SCUBE2: variants seen among roughly 807,000 people sequenced by gnomAD.
The protein encoded by SCUBE2 is signal peptide, CUB and EGF-like domain-containing protein 2.
In SCUBE2, 114 loss-of-function variants were observed where a neutral mutation model predicts 125.9. That is an observed-to-expected ratio of 0.91 (90% confidence interval 0.78 to 1.06). The LOEUF is 1.06. SCUBE2 is among the 50% of genes least tolerant of loss of function. The pLI is 0.00. For synonymous variants in SCUBE2, 459 were observed against 492.9 expected (o/e 0.93, Z 0.91); for missense variants, 1,255 against 1,301.8 (o/e 0.96, Z 0.55).
intron 9 of SCUBE2, among the ~76,000 whole-genome samples, chr11:9,057,916 ACTT>A (rs1859254246): frequency 6.6e-6 from 1 of 152,176 alleles, no homozygotes; most frequent in South Asian, 2.1e-4. Flanking sequence ...TTTCCTGAGA[ACTT>A]CTTCTGCATA....
chr11:9,057,688 G>A (rs1564826189), intron 9 of SCUBE2, among the ~76,000 whole-genome samples: 1 of 151,550 alleles, frequency 6.6e-6, no homozygotes, highest in Non-Finnish European at 1.5e-5. Context: ...CCTCCACCAT[G>A]CCCCCACCTA....
intron 16 of SCUBE2, 150 bp downstream of exon 16, chr11:9,047,206 C>T (rs569248184): frequency 1.7e-5 from 13 of 773,760 alleles, no homozygotes; most frequent in Non-Finnish European, 2.3e-5. Flanking sequence ...CAGACACAAA[C>T]GCAACAGTTA....
chr11:9,029,871 G>A lies in SCUBE2; in HGVS notation c.2503+13C>T. 6.2e-7 allele frequency: 1 copy of A among 1,614,134 alleles called. No homozygotes were observed. The highest frequency in any genetic ancestry group is 1.1e-5 in the South Asian group (1 of 91,086). On this transcript the variant is annotated intron_variant, in intron 19 of 22. Transcript: ENST00000649792. ...TTAGCCAGAACTATGAAAAGCCTTA[G>A]AGAGGGACCTACTTTTACACTGGGT...
At chr11:9,073,432 A>G (rs796885522) in intron 4 of SCUBE2, among the ~76,000 whole-genome samples, 7 of 152,304 alleles carry the variant, frequency 4.6e-5, no homozygotes, top group African/African-American at 1.7e-4. Context: ...TTTTCTTGGT[A>G]CCCAAACAGG....
intron 19 of SCUBE2, among the ~76,000 whole-genome samples, chr11:9,028,493 A>G (rs1156357590): frequency 6.6e-6 from 1 of 152,182 alleles, no homozygotes; most frequent in Non-Finnish European, 1.5e-5. Flanking sequence ...CTGCATCTTC[A>G]TTCATCCCAG....
Position 9,048,210 on chromosome 11 carries a change from A to T in SCUBE2, c.1640-112T>A, listed in dbSNP as rs79456890. On this transcript the variant is annotated intron_variant, in intron 14 of 22. Transcript: ENST00000649792. ...AAAACAACTCTCAAGGGACTAAGTGATTATCTCCAGATGCCAAGACACTGC... is the reference window on the plus strand; with the variant it reads ...AAAACAACTCTCAAGGGACTAAGTGTTTATCTCCAGATGCCAAGACACTGC... 7.6e-3 allele frequency: 8,125 copies of T among 1,062,206 alleles called. 45 individuals are homozygous for T. The highest frequency in any genetic ancestry group is 9.8e-3 in the Non-Finnish European group (7,236 of 739,716). 65.8% of individuals were successfully genotyped at this position (1,062,206 alleles called of 1,614,324 possible). A position where few individuals can be genotyped will look rare whatever the true frequency, so the allele number is the denominator to read the frequency against.
intron 3 of SCUBE2, among the ~76,000 whole-genome samples, 155 bp downstream of exon 3, chr11:9,079,229 T>C (rs1167579473): frequency 6.6e-6 from 1 of 152,158 alleles, no homozygotes; most frequent in Non-Finnish European, 1.5e-5. Flanking sequence ...AACTGAAACA[T>C]TTTACCTCAT....
At chr11:9,081,220 G>A (rs1160524101) in intron 2 of SCUBE2, among the ~76,000 whole-genome samples, 5 of 152,138 alleles carry the variant, frequency 3.3e-5, no homozygotes, top group Non-Finnish European at 5.9e-5. Flanking sequence ...TTCTGTAAAT[G>A]TACAGTTGGA....
At position 9,027,430 on chromosome 11, in the gene SCUBE2, C is replaced by G; in HGVS notation, c.2635G>C (p.Val879Leu). The G allele has an allele frequency of 1.2e-6, 2 of 1,614,014 alleles. No homozygotes were observed. Among genetic ancestry groups the G allele is most frequent in the Non-Finnish European group, 1.7e-6 (2 of 1,180,004 alleles). ...NPPPKRRILIVVPEIFLPIED... is the reference protein window; with the variant it reads ...NPPPKRRILILVPEIFLPIED... ...ATGGGCAGGAAGATCTCAGGGACCA[C>G]GATCAGGATGCGGCGCTTGGGGGGT... The change falls in exon 20 of 23, where the codon GTG becomes CTG. Residue 879 changes from valine to leucine, a missense_variant. Val to Leu is a conservative substitution (Grantham distance 32, BLOSUM62 1). Transcript: ENST00000649792.
intron 6 of SCUBE2, 51 bp downstream of exon 6, chr11:9,066,646 G>T: frequency 7.0e-7 from 1 of 1,434,686 alleles, no homozygotes; most frequent in Non-Finnish European, 9.8e-7. Flanking sequence ...GTAGGGGTAG[G>T]GACAGGCAGG....
chr11:9,032,774 T>C (rs1209738268), intron 17 of SCUBE2, among the ~76,000 whole-genome samples: 1 of 152,166 alleles, frequency 6.6e-6, no homozygotes, highest in Non-Finnish European at 1.5e-5. Context: ...GGTAAATTCA[T>C]GCCAAAATGT....
At position 9,022,066 on chromosome 11, in the gene SCUBE2, C is replaced by T. The variant is rs531868724; in HGVS notation, c.2855-111G>A. On this transcript the variant is annotated intron_variant, in intron 21 of 22. Transcript: ENST00000649792. ...AATGCCCCTTCTGTGGCTGCTATCA[C>T]TTACCATTCTGCTTACTGAGAAGAC... is the stretch of plus-strand genomic sequence containing the variant. 1.9e-5 allele frequency: 14 copies of T among 746,754 alleles called. No individual in the cohort carries two copies. The South Asian group carries it at 2.2e-4, about 12-fold the overall frequency. The allele number at this position is 746,754 out of a possible 1,614,324, so 46.3% of individuals were successfully genotyped here.
At chr11:9,029,850 C>T in intron 19 of SCUBE2, 34 bp downstream of exon 19, 1 of 1,613,126 alleles carries the variant, frequency 6.2e-7, no homozygotes, top group African/African-American at 1.3e-5. Context: ...ATCTTCTTAG[C>T]CAGAACTATG....
intron 5 of SCUBE2, among the ~76,000 whole-genome samples, chr11:9,067,318 C>T (rs1353886102): frequency 2.6e-5 from 4 of 152,138 alleles, no homozygotes; most frequent in African/African-American, 9.7e-5. Flanking sequence ...ACACAATTAA[C>T]GTGACAGTAA....
At chr11:9,022,885 C>T (rs1249387680) in intron 21 of SCUBE2, 2 of 152,196 alleles carry the variant, frequency 1.3e-5, no homozygotes, top group African/African-American at 4.8e-5. Flanking sequence ...TTTCTCTATT[C>T]TTGTATTATG....
At chr11:9,058,691 G>C (rs1263612779) in intron 9 of SCUBE2, among the ~76,000 whole-genome samples, 1 of 150,918 alleles carries the variant, frequency 6.6e-6, no homozygotes, top group Admixed American at 6.6e-5. Flanking sequence ...GGGAGGCTGA[G>C]GCAGGAGAAT....
intron 16 of SCUBE2, among the ~76,000 whole-genome samples, chr11:9,035,481 G>A (rs539974056): frequency 6.6e-6 from 1 of 152,300 alleles, no homozygotes; most frequent in Admixed American, 6.5e-5. Flanking sequence ...TCTCTATGGG[G>A]CTAGGAGAGT....
Position 9,091,254 on chromosome 11 carries a change from C to A in SCUBE2, c.133+142G>T. Reference sequence around the variant, plus strand: ...CTTGGCCCGGCCGGCGGGTGAGGTCCCGGGGGGAGCAGAGGCCCCCGCGGA... The same window carrying A: ...CTTGGCCCGGCCGGCGGGTGAGGTCACGGGGGGAGCAGAGGCCCCCGCGGA... On this transcript the variant is annotated intron_variant, in intron 1 of 22. Coordinates refer to ENST00000649792, the MANE Select transcript of SCUBE2 (RefSeq NM_001367977.2). This position sits in a 1 kb window ranked among gnomAD's most constrained non-coding sequence, Gnocchi z 8.5. The A allele has an allele frequency of 1.9e-6, 1 of 532,502 alleles. No homozygotes were observed. Among genetic ancestry groups the A allele is most frequent in the Non-Finnish European group, 2.7e-6 (1 of 364,132 alleles). The allele number at this position is 532,502 out of a possible 1,614,324, so 33.0% of individuals were successfully genotyped here.
chr11:9,021,024 T>TTGAG lies in SCUBE2; in HGVS notation c.*17_*20dup. 6.2e-7 allele frequency: 1 copy of TTGAG among 1,609,264 alleles called. No individual in the cohort carries two copies. The highest frequency in any genetic ancestry group is 8.5e-7 in the Non-Finnish European group (1 of 1,177,394). On this transcript the variant is annotated 3_prime_UTR_variant, in exon 23 of 23. Transcript: ENST00000649792. ...CCAACCCTATAGCAGAACATTTGTA[T>TTGAG]TGAGTGGCACGTGGGCTGAGTCATT...
Sources: gnomAD v4.1 joint callset for allele counts (sites outside exome capture counted in the v4.1 genomes callset) on GRCh38, gnomAD v4.1.1 for gene constraint, Gnocchi (gnomAD v3.1) non-coding constraint, MANE v1.5 for transcripts, NCBI Gene and HGNC (gene_info 2026-07-23, HGNC 2026-07-21) for gene names.